Variants in ZBBX observed in about 807,000 individuals in gnomAD.
ZBBX encodes zinc finger B-box domain-containing protein 1.
ZBBX carries 101 observed loss-of-function variants against 108.5 expected under a neutral mutation model. That is an observed-to-expected ratio of 0.93 (90% confidence interval 0.79 to 1.10). The LOEUF is 1.10. ZBBX is among the 50% of genes least tolerant of loss of function. The pLI, the probability that ZBBX is intolerant of heterozygous loss-of-function variation, is 0.00. For synonymous variants in ZBBX, 356 were observed against 323.4 expected (o/e 1.10, Z -1.08); for missense variants, 1,009 against 941.4 (o/e 1.07, Z -0.94).
intron 8 of ZBBX, among the ~76,000 whole-genome samples, chr3:167,351,851 G>A (rs1022914396): frequency 4.6e-5 from 7 of 152,114 alleles, no homozygotes; most frequent in African/African-American, 1.2e-4. Flanking sequence ...ATGACCTGGT[G>A]CATTCAGATC....
intron 10 of ZBBX, among the ~76,000 whole-genome samples, chr3:167,333,479 C>A (rs904648702): frequency 6.6e-6 from 1 of 152,070 alleles, no homozygotes; most frequent in Non-Finnish European, 1.5e-5. Context: ...TTTTTAGCTT[C>A]TCTGAATGAA....
chr3:167,273,994 A>G (rs1184274926), intron 20 of ZBBX, among the ~76,000 whole-genome samples: 1 of 152,212 alleles, frequency 6.6e-6, no homozygotes, highest in East Asian at 1.9e-4. Flanking sequence ...ATGCTGTCAA[A>G]GGAATAGTTG....
chr3:167,341,022 G>T (rs373306967), intron 9 of ZBBX, among the ~76,000 whole-genome samples: 1 of 152,010 alleles, frequency 6.6e-6, no homozygotes, highest in East Asian at 1.9e-4. Context: ...AAGCTAGATA[G>T]AAATCAAATC....
chr3:167,328,369 T>A (rs968222510), intron 10 of ZBBX, among the ~76,000 whole-genome samples: 1 of 152,186 alleles, frequency 6.6e-6, no homozygotes, highest in Non-Finnish European at 1.5e-5. Flanking sequence ...ACAGAACTAA[T>A]GACTTATCAT....
At chr3:167,198,054 A>C in the ZBBX span, among the ~76,000 whole-genome samples, 13 of 152,188 alleles carry the variant, frequency 8.5e-5, no homozygotes, top group African/African-American at 3.1e-4. Context: ...CCTTAACAAA[A>C]ATCAGTTCAT....
chr3:167,314,209 G>T, intron 15 of ZBBX, 93 bp from the exon 16 acceptor site: 2 of 1,071,856 alleles, frequency 1.9e-6, no homozygotes, highest in South Asian at 2.1e-5. Context: ...AACAAATATA[G>T]TAAAACTTTA....
intron 9 of ZBBX, among the ~76,000 whole-genome samples, chr3:167,342,116 G>A (rs111553346): frequency 6.6e-6 from 1 of 151,682 alleles, no homozygotes; most frequent in African/African-American, 2.4e-5. Flanking sequence ...TCAATAATTT[G>A]TTACATTTGG....
At chr3:167,191,256 C>CT in the ZBBX span, among the ~76,000 whole-genome samples, 1 of 152,170 alleles carries the variant, frequency 6.6e-6, no homozygotes, top group East Asian at 1.9e-4. Flanking sequence ...ACTGTGGAGG[C>CT]AACAGCAAAT....
intron 20 of ZBBX, among the ~76,000 whole-genome samples, chr3:167,248,249 T>A (rs1721937660): frequency 1.3e-5 from 2 of 152,208 alleles, no homozygotes; most frequent in South Asian, 2.1e-4. Flanking sequence ...GCTGCGACGG[T>A]AACCATGACC....
chr3:167,372,206 G>A (rs1050480246), intron 4 of ZBBX, among the ~76,000 whole-genome samples: 1 of 141,316 alleles, frequency 7.1e-6, no homozygotes, highest in Non-Finnish European at 1.6e-5. Flanking sequence ...GCAAGACTTC[G>A]TCTAAAAAAA....
At chr3:167,228,778 T>G in the ZBBX span, among the ~76,000 whole-genome samples, 1 of 151,830 alleles carries the variant, frequency 6.6e-6, no homozygotes, top group Non-Finnish European at 1.5e-5. Context: ...AGACAGCCCA[T>G]GACCCCATCA....
At chr3:167,227,526 C>T in the ZBBX span, among the ~76,000 whole-genome samples, 1 of 151,800 alleles carries the variant, frequency 6.6e-6, no homozygotes, top group East Asian at 1.9e-4. Flanking sequence ...ATCTCAGCAT[C>T]AAGTCCATCT....
intron 8 of ZBBX, among the ~76,000 whole-genome samples, 170 bp downstream of exon 8, chr3:167,359,700 T>C (rs1222182886): frequency 6.6e-6 from 1 of 151,946 alleles, no homozygotes; most frequent in Non-Finnish European, 1.5e-5. Context: ...GTATTGACTG[T>C]CCCCAGCAGC....
chr3:167,230,133 G>A, the ZBBX span, among the ~76,000 whole-genome samples: 1 of 151,724 alleles, frequency 6.6e-6, no homozygotes, highest in Non-Finnish European at 1.5e-5. Context: ...ATGTAAAATG[G>A]GGACTAATAA....
chr3:167,312,693 A>T (rs9813052), intron 16 of ZBBX, among the ~76,000 whole-genome samples: 1 of 152,158 alleles, frequency 6.6e-6, no homozygotes, highest in Admixed American at 6.5e-5. Context: ...GAACATCAGG[A>T]ACTAGCTTGA....
intron 18 of ZBBX, among the ~76,000 whole-genome samples, chr3:167,297,550 G>GA (rs202153914): frequency 8.8e-4 from 134 of 151,922 alleles, no homozygotes; most frequent in African/African-American, 3.1e-3. Context: ...ATAAAAACTG[G>GA]AAAAAAACTG....
intron 19 of ZBBX, among the ~76,000 whole-genome samples, chr3:167,287,374 A>T (rs1234614774): frequency 6.6e-6 from 1 of 152,128 alleles, no homozygotes. Flanking sequence ...TTTCTTAGGC[A>T]TTACCTCAGC....
intron 19 of ZBBX, among the ~76,000 whole-genome samples, chr3:167,283,673 G>A (rs1037857265): frequency 1.3e-5 from 2 of 152,268 alleles, no homozygotes; most frequent in Non-Finnish European, 2.9e-5. Flanking sequence ...TGGAGAAGGA[G>A]TCTTGCTCTG....
rs1291221764 is a variant in ZBBX at position 167,317,596 on chromosome 3, T to C, written c.985A>G (p.Thr329Ala). 1 of 1,597,918 alleles carries C rather than the reference T, an allele frequency of 6.3e-7. No individual in the cohort carries two copies. The part of the protein sequence containing the change: ...EKLWLKKHRR[T>A]PQEQLFKMLP... ...ATTTTAAAAAGTTGCTCTTGTGGAG[T>C]TCTACAAAATAAGAAAGAAGCAATT... The change falls in exon 13 of 22, where the codon ACT (threonine) becomes GCT (alanine). Residue 329 changes from threonine (T) to alanine (A), a missense_variant and splice_region_variant. Coordinates refer to ENST00000675490, the MANE Select transcript of ZBBX (RefSeq NM_001199201.2).
Sources: gnomAD v4.1 joint callset for allele counts (sites outside exome capture counted in the v4.1 genomes callset) on GRCh38, gnomAD v4.1.1 for gene constraint, MANE v1.5 for transcripts, NCBI Gene and HGNC (gene_info 2026-07-23, HGNC 2026-07-21) for gene names.